GNAL: variants seen among roughly 807,000 people sequenced by gnomAD.
The protein encoded by GNAL is guanine nucleotide-binding protein G(olf) subunit alpha.
A neutral mutation model predicts 55.1 loss-of-function variants in GNAL; 18 were observed. That is an observed-to-expected ratio of 0.33 (90% confidence interval 0.23 to 0.48). The LOEUF (loss-of-function observed/expected upper bound fraction) is 0.48. Among genes scored for constraint, GNAL ranks in the 20% least tolerant of loss-of-function variants. GNAL has a pLI of 0.99. For synonymous variants in GNAL, 253 were observed against 237.0 expected (o/e 1.07, Z -0.62); for missense variants, 412 against 614.1 (o/e 0.67, Z 3.48).
intron 5 of GNAL, chr18:11,851,984 A>G: frequency 1.2e-6 from 2 of 1,613,852 alleles, no homozygotes; most frequent in Non-Finnish European, 1.7e-6. Context: ...GAAATGGCAG[A>G]TGAGGCGGGC....
chr18:11,796,014 G>A (rs1377729073), intron 4 of GNAL, among the ~76,000 whole-genome samples: 1 of 152,200 alleles, frequency 6.6e-6, no homozygotes, highest in Non-Finnish European at 1.5e-5. Context: ...GTTCATCAAA[G>A]CTGGGGTCAG....
intron 4 of GNAL, among the ~76,000 whole-genome samples, chr18:11,780,319 C>G (rs972616869): frequency 2.0e-5 from 3 of 151,672 alleles, no homozygotes; most frequent in African/African-American, 7.3e-5. Context: ...ATTCCTAACA[C>G]GTAAGACCTT....
At chr18:11,728,126 A>C (rs2032253367) in intron 1 of GNAL, among the ~76,000 whole-genome samples, 1 of 151,998 alleles carries the variant, frequency 6.6e-6, no homozygotes, top group Non-Finnish European at 1.5e-5. Context: ...ACTCAGGAGG[A>C]TCCCTTGAGC....
At chr18:11,841,644 CAAA>C (rs56295234) in intron 5 of GNAL, among the ~76,000 whole-genome samples, 44 of 122,696 alleles carry the variant, frequency 3.6e-4, no homozygotes, top group East Asian at 4.8e-4. Flanking sequence ...GGGTCTGTCT[CAAA>C]AAAAAAAAAA....
At chr18:11,786,518 A>G (rs2034066114) in intron 4 of GNAL, among the ~76,000 whole-genome samples, 1 of 121,194 alleles carries the variant, frequency 8.3e-6, no homozygotes, top group Non-Finnish European at 1.6e-5. Context: ...GCGCTGTCTC[A>G]GCTCACTGCA....
intron 1 of GNAL, among the ~76,000 whole-genome samples, chr18:11,695,092 A>G (rs2031368322): frequency 6.6e-6 from 1 of 152,170 alleles, no homozygotes. Flanking sequence ...GGGGATGGGA[A>G]GCACAATTCA....
chr18:11,716,609 A>T (rs1293860579), intron 1 of GNAL, among the ~76,000 whole-genome samples: 1 of 152,096 alleles, frequency 6.6e-6, no homozygotes, highest in Non-Finnish European at 1.5e-5. Flanking sequence ...GTGCATTTAC[A>T]ATCCCTGAGC....
At chr18:11,716,102 A>G (rs1048165335) in intron 1 of GNAL, among the ~76,000 whole-genome samples, 2 of 152,226 alleles carry the variant, frequency 1.3e-5, no homozygotes, top group Admixed American at 6.5e-5. Flanking sequence ...TGATTCCTCA[A>G]AGACCTAAAA....
intron 1 of GNAL, among the ~76,000 whole-genome samples, chr18:11,706,478 C>G (rs1051672462): frequency 6.6e-6 from 1 of 152,166 alleles, no homozygotes; most frequent in African/African-American, 2.4e-5. Flanking sequence ...AAGACAGTTT[C>G]TTAGAGTAAG....
At chr18:11,776,707 CA>C (rs33937288) in intron 4 of GNAL, among the ~76,000 whole-genome samples, 20,541 of 71,726 alleles carry the variant, frequency 0.29, 1,110 homozygotes, top group East Asian at 0.39. Flanking sequence ...GATCCTGCCT[CA>C]AAAAAAAAAA....
At chr18:11,828,751 T>C (rs944595186) in intron 5 of GNAL, among the ~76,000 whole-genome samples, 12 of 152,080 alleles carry the variant, frequency 7.9e-5, no homozygotes, top group African/African-American at 2.9e-4. Flanking sequence ...AAATAAATCA[T>C]GGAAAAAGAA....
chr18:11,765,177 G>A (rs2033366179), intron 4 of GNAL, among the ~76,000 whole-genome samples: 1 of 152,236 alleles, frequency 6.6e-6, no homozygotes. Flanking sequence ...CCAAGAAATC[G>A]GGGCTTGAGC....
intron 5 of GNAL, among the ~76,000 whole-genome samples, chr18:11,855,120 G>C (rs796416849): frequency 5.9e-5 from 9 of 152,190 alleles, no homozygotes; most frequent in African/African-American, 2.2e-4. Flanking sequence ...TGTTGTTTTA[G>C]TAGAGTCGGG....
At chr18:11,814,740 T>C (rs764501042) in intron 4 of GNAL, among the ~76,000 whole-genome samples, 2 of 149,296 alleles carry the variant, frequency 1.3e-5, no homozygotes, top group African/African-American at 5.0e-5. Flanking sequence ...ATACTAAAAA[T>C]ACAAAATTAA....
intron 1 of GNAL, among the ~76,000 whole-genome samples, chr18:11,734,300 G>A (rs1327942232): frequency 6.6e-6 from 1 of 151,866 alleles, no homozygotes; most frequent in Non-Finnish European, 1.5e-5. Context: ...GCACCACCAC[G>A]CCCAGCTAAT....
intron 4 of GNAL, among the ~76,000 whole-genome samples, chr18:11,759,888 G>A (rs150824712): frequency 1.3e-5 from 2 of 152,090 alleles, no homozygotes; most frequent in East Asian, 1.9e-4. Flanking sequence ...GTGGGTTTTC[G>A]TGTGTGTGTC....
rs78342075 is a variant in GNAL, at chr18:11,858,310, A to G, written c.723-4085A>G. 4.7e-3 allele frequency among the ~76,000 whole-genome samples: 714 copies of G among 152,348 alleles called. 4 individuals are homozygous for G. Among genetic ancestry groups the G allele is most frequent in the African/African-American group, 0.016 (673 of 41,580 alleles). On this transcript the variant is annotated intron_variant, in intron 5 of 11. Coordinates refer to ENST00000334049, the MANE Select transcript of GNAL (RefSeq NM_182978.4). ...TTTTAACTACTTCCTTATAGTGTCT[A>G]CAATGCAAGTGATTTTTTACAATGC...
intron 4 of GNAL, among the ~76,000 whole-genome samples, chr18:11,783,992 C>A (rs1423636956): frequency 6.6e-6 from 1 of 152,240 alleles, no homozygotes; most frequent in East Asian, 1.9e-4. Context: ...GTTCATTGTC[C>A]TGTGAGGCAG....
intron 5 of GNAL, among the ~76,000 whole-genome samples, chr18:11,836,247 G>A (rs761093602): frequency 6.6e-6 from 1 of 151,900 alleles, no homozygotes; most frequent in Non-Finnish European, 1.5e-5. Flanking sequence ...GGGAGGTCGC[G>A]ACCAGCCTGA....
Sources: gnomAD v4.1 joint callset for allele counts (sites outside exome capture counted in the v4.1 genomes callset) on GRCh38, gnomAD v4.1.1 for gene constraint, MANE v1.5 for transcripts, NCBI Gene and HGNC (gene_info 2026-07-23, HGNC 2026-07-21) for gene names.